The following ACACB variants were observed in gnomAD, a reference collection of about 807,000 sequenced individuals.
ACACB encodes acetyl-CoA carboxylase beta, also known as acetyl-CoA carboxylase 2.
Under a neutral mutation model 278.8 loss-of-function variants are expected in ACACB, and 209 were observed. The ratio of observed to expected loss-of-function variants is 0.75; its 90% CI spans 0.67 to 0.84. ACACB has a LOEUF of 0.84. ACACB is among the 40% of genes least tolerant of loss of function. ACACB has a pLI of 0.00. For missense variants in ACACB, 2,850 were observed against 3,269.0 expected (o/e 0.87, Z 3.13); for synonymous variants, 1,174 against 1,285.6 (o/e 0.91, Z 1.86).
In ACACB at chr12:109,264,318, C is replaced by T. The variant is rs1354513681; in HGVS notation, c.6874C>T (p.Gln2292Ter). Residue 2292 changes from glutamine (Q) to a stop codon, truncating the protein, a stop_gained, in exon 50 of 53, where the codon CAG becomes TAG. Coordinates refer to ENST00000338432, the MANE Select transcript of ACACB (RefSeq NM_001093.4). LOFTEE classifies it high-confidence loss of function. Reference protein sequence around the residue: ...REDLLLPIYHQVAVQFADFHD... With the variant: ...REDLLLPIYH ...GGACCTGCTGCTCCCCATCTACCAC[C>T]AGGTGGCGGTGCAGTTCGCCGACTT... 1.9e-6 allele frequency: 3 copies of T among 1,614,168 alleles called. No individual in the cohort carries two copies. Among genetic ancestry groups the T allele is most frequent in the Non-Finnish European group, 2.5e-6 (3 of 1,180,034 alleles).
intron 2 of ACACB, among the ~76,000 whole-genome samples, chr12:109,152,921 G>C (rs907972589): frequency 2.0e-5 from 3 of 151,902 alleles, no homozygotes; most frequent in Non-Finnish European, 4.4e-5. Flanking sequence ...TGGGATTACA[G>C]GTGTGAGCCA....
chr12:109,206,676 T>C, intron 19 of ACACB, 34 bp from the exon 20 acceptor site: 1 of 1,611,692 alleles, frequency 6.2e-7, no homozygotes, highest in Non-Finnish European at 8.5e-7. Flanking sequence ...TCCCAGAGTT[T>C]TCCTGACCTG....
At chr12:109,150,646 A>G (rs1439619004) in intron 2 of ACACB, among the ~76,000 whole-genome samples, 1 of 152,184 alleles carries the variant, frequency 6.6e-6, no homozygotes, top group Non-Finnish European at 1.5e-5. Context: ...GAATACCAGG[A>G]AAGGGAGCTG....
intron 19 of ACACB, 106 bp downstream of exon 19, chr12:109,201,807 C>T (rs1593542550): frequency 7.0e-7 from 1 of 1,430,562 alleles, no homozygotes; most frequent in Non-Finnish European, 9.4e-7. Context: ...CTTCTCCTGC[C>T]TCCACCTGCA....
chr12:109,241,669 T>G, intron 36 of ACACB: 1 of 266,316 alleles, frequency 3.8e-6, no homozygotes, highest in Non-Finnish European at 7.4e-6. Context: ...TTGGGATAAG[T>G]TGTGCACTAC....
At position 109,260,646 on chromosome 12, in the gene ACACB, CAAAG is replaced by C; in HGVS notation, c.6665_6668del (p.Lys2222ArgfsTer22). ...CGCTGTGCATAGAAATGTATGCAGA[CAAAG>C]AGAGCAGGTGGGTGTGTTGCCCTTA... On this transcript the variant is annotated frameshift_variant, in exon 48 of 53. Coordinates refer to ENST00000338432, the MANE Select transcript of ACACB (RefSeq NM_001093.4). LOFTEE classifies it high-confidence loss of function. 2 of 1,577,708 alleles carry C rather than the reference CAAAG, an allele frequency of 1.3e-6. No individual in the cohort carries two copies. The highest frequency in any genetic ancestry group is 1.2e-5 in the South Asian group (1 of 85,170).
At chr12:109,199,647 C>G in intron 18 of ACACB, 95 bp downstream of exon 18, 1 of 1,221,644 alleles carries the variant, frequency 8.2e-7, no homozygotes, top group Non-Finnish European at 1.1e-6. Flanking sequence ...TACCTCTCCC[C>G]TTGACCACTG....
At chr12:109,264,186 T>C in intron 49 of ACACB, 46 bp from the exon 50 acceptor site, 1 of 1,600,722 alleles carries the variant, frequency 6.2e-7, no homozygotes, top group Non-Finnish European at 8.5e-7. Flanking sequence ...CCCCATCACA[T>C]ATGACCAGCT....
chr12:109,157,735 A>G (rs577018592), intron 2 of ACACB, among the ~76,000 whole-genome samples: 1 of 152,342 alleles, frequency 6.6e-6, no homozygotes, highest in East Asian at 1.9e-4. Context: ...GGCTCGGGCC[A>G]TCTAAGAAGC....
intron 19 of ACACB, among the ~76,000 whole-genome samples, chr12:109,202,959 C>A (rs1035717733): frequency 6.6e-6 from 1 of 152,182 alleles, no homozygotes; most frequent in African/African-American, 2.4e-5. Context: ...TCACCATCAT[C>A]CATCTCCAGC....
intron 19 of ACACB, among the ~76,000 whole-genome samples, chr12:109,206,025 A>G (rs984840390): frequency 1.3e-5 from 2 of 152,216 alleles, no homozygotes; most frequent in African/African-American, 4.8e-5. Context: ...ATGCATTTGT[A>G]TGAGATGTTC....
At chr12:109,140,181 G>A in intron 2 of ACACB, 123 bp downstream of exon 2, 1 of 994,596 alleles carries the variant, frequency 1.0e-6, no homozygotes, top group Non-Finnish European at 1.4e-6. Flanking sequence ...GGGTGGCTAT[G>A]CACAAAAGGA....
At chr12:109,261,039 T>C (rs2047362994) in intron 48 of ACACB, among the ~76,000 whole-genome samples, 1 of 152,210 alleles carries the variant, frequency 6.6e-6, no homozygotes, top group Non-Finnish European at 1.5e-5. Flanking sequence ...AATGACTGAA[T>C]GAATACTTGC....
chr12:109,209,999 GTA>G (rs1408000032), intron 21 of ACACB, among the ~76,000 whole-genome samples: 2 of 100,046 alleles, frequency 2.0e-5, no homozygotes, highest in East Asian at 2.8e-4. Flanking sequence ...GTATATATGT[GTA>G]TATGTGTATA....
chr12:109,130,959 C>T (rs1012260227), intron 1 of ACACB, among the ~76,000 whole-genome samples: 2 of 152,062 alleles, frequency 1.3e-5, no homozygotes, highest in African/African-American at 4.8e-5. Flanking sequence ...GAACATCTGT[C>T]GATGCTGTTT....
At chr12:109,192,430 C>CT (rs368470739) in intron 15 of ACACB, among the ~76,000 whole-genome samples, 5 of 151,048 alleles carry the variant, frequency 3.3e-5, no homozygotes, top group African/African-American at 4.9e-5. Context: ...GTGCTGGATG[C>CT]TTTTTTTTTG....
intron 17 of ACACB, among the ~76,000 whole-genome samples, chr12:109,198,930 G>A (rs182197646): frequency 3.5e-4 from 53 of 152,122 alleles, no homozygotes; most frequent in African/African-American, 1.1e-3. Context: ...GCTCACGTCT[G>A]TAATCCCAGC....
At chr12:109,261,860 G>C (rs1486841599) in intron 48 of ACACB, among the ~76,000 whole-genome samples, 5 of 135,652 alleles carry the variant, frequency 3.7e-5, no homozygotes, top group Non-Finnish European at 7.7e-5. Context: ...GACAGAGTGA[G>C]ACCCTGTCTA....
intron 2 of ACACB, among the ~76,000 whole-genome samples, chr12:109,142,928 T>C (rs2043155230): frequency 6.6e-6 from 1 of 152,204 alleles, no homozygotes; most frequent in Non-Finnish European, 1.5e-5. Context: ...CCTGCCCTCG[T>C]GTCTTCATGG....
Sources: gnomAD v4.1 joint callset for allele counts (sites outside exome capture counted in the v4.1 genomes callset) on GRCh38, gnomAD v4.1.1 for gene constraint, MANE v1.5 for transcripts, NCBI Gene and HGNC (gene_info 2026-07-23, HGNC 2026-07-21) for gene names.